NEGR1: variants seen among roughly 807,000 people sequenced by gnomAD.
NEGR1 encodes the protein neuronal growth regulator 1, also known as IgLON family member 4.
In NEGR1, 10 loss-of-function variants were observed where a neutral mutation model predicts 40.9. The observed-to-expected ratio is 0.24, with a 90% CI of 0.15 to 0.42. The LOEUF (loss-of-function observed/expected upper bound fraction) is 0.42, where lower values mean the gene tolerates loss of function less well. Among genes scored for constraint, NEGR1 ranks in the 10% least tolerant of loss-of-function variants. The pLI is 1.00. For missense variants in NEGR1, 352 were observed against 438.9 expected, an observed-to-expected ratio of 0.80 and a Z score of 1.77; for synonymous variants, 185 against 166.8, an observed-to-expected ratio of 1.11 and a Z score of -0.84.
At chr1:71,736,861 T>G (rs1655054124) in intron 3 of NEGR1, among the ~76,000 whole-genome samples, 1 of 152,192 alleles carries the variant, frequency 6.6e-6, no homozygotes, top group Non-Finnish European at 1.5e-5. Flanking sequence ...CTTTCACAAT[T>G]AAGAAAAGCA....
chr1:71,460,024 T>C (rs1646702540), intron 6 of NEGR1, among the ~76,000 whole-genome samples: 1 of 152,198 alleles, frequency 6.6e-6, no homozygotes, highest in African/African-American at 2.4e-5. Context: ...TTCCATATCT[T>C]TTAGTGCTAT....
At chr1:71,832,453 T>C (rs1658875212) in intron 2 of NEGR1, among the ~76,000 whole-genome samples, 1 of 152,028 alleles carries the variant, frequency 6.6e-6, no homozygotes, top group African/African-American at 2.4e-5. Flanking sequence ...TGTGACCTCA[T>C]GTGTCAAACC....
At chr1:72,048,014 T>C (rs1054607496) in intron 1 of NEGR1, among the ~76,000 whole-genome samples, 2 of 151,694 alleles carry the variant, frequency 1.3e-5, no homozygotes, top group East Asian at 3.9e-4. Context: ...CCAGCCAAAA[T>C]GGACCAACTA....
chr1:72,088,796 C>CTCTTTTTTTTT (rs1477735559), intron 1 of NEGR1, among the ~76,000 whole-genome samples: 1 of 74,906 alleles, frequency 1.3e-5, no homozygotes, highest in African/African-American at 4.7e-5. Flanking sequence ...CTCTCTCTCT[C>CTCTTTTTTTTT]TTTTTTTTTT....
intron 1 of NEGR1, among the ~76,000 whole-genome samples, chr1:71,997,847 T>G (rs1483976260): frequency 1.3e-5 from 2 of 152,000 alleles, no homozygotes; most frequent in Non-Finnish European, 2.9e-5. Context: ...TTACATTTAG[T>G]CTAAATAATC....
intron 4 of NEGR1, among the ~76,000 whole-genome samples, chr1:71,684,807 T>C (rs540855576): frequency 1.3e-5 from 2 of 152,292 alleles, no homozygotes; most frequent in African/African-American, 4.8e-5. Context: ...TGGCTTTCAA[T>C]TTGTCATATT....
chr1:71,843,900 T>C (rs935739930), intron 2 of NEGR1, among the ~76,000 whole-genome samples: 1 of 152,126 alleles, frequency 6.6e-6, no homozygotes, highest in Non-Finnish European at 1.5e-5. Context: ...AAATGTAAAG[T>C]TCAAAATTTG....
At chr1:71,649,062 T>C (rs367784340) in intron 4 of NEGR1, among the ~76,000 whole-genome samples, 1 of 152,084 alleles carries the variant, frequency 6.6e-6, no homozygotes, top group Admixed American at 6.6e-5. Flanking sequence ...TCTGTAGTTA[T>C]TGATGTATAT....
chr1:71,651,866 A>C (rs1651728821), intron 4 of NEGR1, among the ~76,000 whole-genome samples: 1 of 152,108 alleles, frequency 6.6e-6, no homozygotes, highest in African/African-American at 2.4e-5. Flanking sequence ...ATAAGGTGCC[A>C]GTATTACTTT....
At chr1:71,474,571 C>T (rs926114749) in intron 6 of NEGR1, among the ~76,000 whole-genome samples, 2 of 147,456 alleles carry the variant, frequency 1.4e-5, no homozygotes, top group African/African-American at 2.5e-5. Flanking sequence ...ATTAGCCAGG[C>T]GTGGTGGCAG....
At chr1:71,566,851 A>T (rs1258044988) in intron 6 of NEGR1, among the ~76,000 whole-genome samples, 2 of 152,102 alleles carry the variant, frequency 1.3e-5, no homozygotes, top group Non-Finnish European at 2.9e-5. Flanking sequence ...GAATTCAGTG[A>T]CTGGTGAGGG....
chr1:71,887,194 A>T (rs1347586793), intron 2 of NEGR1, among the ~76,000 whole-genome samples: 2 of 152,234 alleles, frequency 1.3e-5, no homozygotes, highest in Non-Finnish European at 2.9e-5. Context: ...GTGGATCATC[A>T]TAAAAATCTT....
intron 2 of NEGR1, among the ~76,000 whole-genome samples, chr1:71,790,783 T>C (rs1220662054): frequency 1.3e-5 from 2 of 152,080 alleles, no homozygotes; most frequent in Admixed American, 6.6e-5. Flanking sequence ...ATAATACTGT[T>C]AGGATTTTTC....
chr1:71,643,482 T>C (rs1651424575), intron 4 of NEGR1, among the ~76,000 whole-genome samples: 1 of 152,062 alleles, frequency 6.6e-6, no homozygotes, highest in Non-Finnish European at 1.5e-5. Context: ...TTTTCAGTTA[T>C]ACTAGGTTAA....
chr1:71,621,726 C>A (rs1245259261), intron 4 of NEGR1, among the ~76,000 whole-genome samples: 3 of 151,816 alleles, frequency 2.0e-5, no homozygotes, highest in South Asian at 2.1e-4. Context: ...ACAATCTGTT[C>A]ATTGTTTGAA....
intron 4 of NEGR1, among the ~76,000 whole-genome samples, chr1:71,691,757 T>C (rs1653289342): frequency 6.6e-6 from 1 of 151,786 alleles, no homozygotes; most frequent in South Asian, 2.1e-4. Context: ...TTTTCTGTTT[T>C]GTGTCTTGAT....
At position 71,776,144 on chromosome 1, in the gene NEGR1, A is replaced by G. The variant is rs745479043; in HGVS notation, c.535+28T>C. On this transcript the variant is annotated intron_variant, in intron 3 of 6. Transcript: ENST00000357731. ...GTTACAGGAGAAAAATGAACAGCAC[A>G]AACAACACTAATGCATTCCTACTTT... The G allele has an allele frequency of 4.4e-6, 7 of 1,586,216 alleles. No individual in the cohort carries two copies. In the South Asian group the frequency reaches 8.0e-5, roughly 18 times the overall value.
At chr1:72,218,450 G>T (rs1653898610) in intron 1 of NEGR1, among the ~76,000 whole-genome samples, 1 of 151,964 alleles carries the variant, frequency 6.6e-6, no homozygotes, top group African/African-American at 2.4e-5. Flanking sequence ...TGTGTTTATG[G>T]TATATGTTGA....
intron 1 of NEGR1, among the ~76,000 whole-genome samples, chr1:72,277,648 T>C (rs900182750): frequency 6.6e-6 from 1 of 152,140 alleles, no homozygotes; most frequent in African/African-American, 2.4e-5. Context: ...TTTTTCCAGA[T>C]TGACCATTCT....
Sources: gnomAD v4.1 joint callset for allele counts (sites outside exome capture counted in the v4.1 genomes callset) on GRCh38, gnomAD v4.1.1 for gene constraint, MANE v1.5 for transcripts, NCBI Gene and HGNC (gene_info 2026-07-23, HGNC 2026-07-21) for gene names.